PCDHGB2: variants seen among roughly 807,000 people sequenced by gnomAD.
PCDHGB2 encodes protocadherin gamma subfamily B, 2.
In PCDHGB2, 55 loss-of-function variants were observed where a neutral mutation model predicts 59.3. That is an observed-to-expected ratio of 0.93 (90% confidence interval 0.75 to 1.16). PCDHGB2 has a LOEUF of 1.16. Among genes scored for constraint, PCDHGB2 ranks in the 50% most tolerant of loss-of-function variants. The probability of loss-of-function intolerance (pLI) is 0.00; values close to 1 mark genes in which losing one functional copy is unlikely to be tolerated. For synonymous variants in PCDHGB2, 516 were observed against 512.0 expected (o/e 1.01, Z -0.11); for missense variants, 1,228 against 1,198.5 (o/e 1.02, Z -0.36).
Position 141,486,734 on chromosome 5 carries a change from C to A in PCDHGB2, c.2422-8073C>A. ...CCAGACAGGAGCTGTTCATGCTACT[C>A]GATCCTTTGACTATGAGCAAACCCA... On this transcript the variant is annotated intron_variant, in intron 1 of 3. Transcript: ENST00000522605. The surrounding 1 kb of genome is among the most constrained non-coding windows in gnomAD (Gnocchi z 5.0). The A allele has an allele frequency of 1.2e-6, 2 of 1,614,188 alleles. No homozygotes were observed. Among genetic ancestry groups the A allele is most frequent in the Non-Finnish European group, 1.7e-6 (2 of 1,180,040 alleles).
At chr5:141,469,548 C>A (rs2099204726) in intron 1 of PCDHGB2, among the ~76,000 whole-genome samples, 1 of 152,212 alleles carries the variant, frequency 6.6e-6, no homozygotes, top group East Asian at 1.9e-4. Context: ...GCACTCCAGC[C>A]TGGCGACAGA....
chr5:141,419,890 C>T (rs775698934), intron 1 of PCDHGB2: 3 of 1,614,102 alleles, frequency 1.9e-6, no homozygotes, highest in Non-Finnish European at 2.5e-6. Flanking sequence ...ATTTCAGCGA[C>T]CATCCCACAC....
intron 1 of PCDHGB2, chr5:141,442,380 T>G (rs1235241143): frequency 2.6e-5 from 4 of 152,244 alleles, no homozygotes; most frequent in Non-Finnish European, 4.4e-5. Flanking sequence ...TCCTACCAGG[T>G]GTGTGCTTCT....
At chr5:141,389,887 A>G (rs1473090410) in intron 1 of PCDHGB2, 2 of 1,613,940 alleles carry the variant, frequency 1.2e-6, no homozygotes, top group East Asian at 2.2e-5. Context: ...AGCTTGCAGG[A>G]GGTGCTGCCG....
At chr5:141,462,497 T>C (rs1333421053) in intron 1 of PCDHGB2, among the ~76,000 whole-genome samples, 1 of 152,244 alleles carries the variant, frequency 6.6e-6, no homozygotes, top group Non-Finnish European at 1.5e-5. Flanking sequence ...TATCCTATAA[T>C]TGTCAACTAG....
chr5:141,395,341 G>C, intron 1 of PCDHGB2: 1 of 1,409,696 alleles, frequency 7.1e-7, no homozygotes. Context: ...AATTTTTAAG[G>C]TGTATCACAG....
rs1055042563 is a variant in PCDHGB2, at chr5:141,512,805, C to G, written c.*1632C>G. On this transcript the variant is annotated 3_prime_UTR_variant, in exon 4 of 4. Coordinates refer to ENST00000522605, the MANE Select transcript of PCDHGB2 (RefSeq NM_018923.3). ...TGTTGTGTTTTGTGCTGTGTCCACG[C>G]GCTAAGGCGACCCCCTCCCCCGTAC... 3.0e-4 allele frequency: 46 copies of G among 152,378 alleles called. No individual in the cohort carries two copies. Among genetic ancestry groups the G allele is most frequent in the African/African-American group, 9.9e-4 (41 of 41,570 alleles). The allele number at this position is 152,378 out of a possible 1,614,324, so 9.4% of individuals were successfully genotyped here.
At chr5:141,413,867 T>TTG in intron 1 of PCDHGB2, 1 of 1,613,428 alleles carries the variant, frequency 6.2e-7, no homozygotes, top group Non-Finnish European at 8.5e-7. Flanking sequence ...GGCACTGTCC[T>TTG]TGTCAGTGTG....
chr5:141,413,989 G>C, intron 1 of PCDHGB2: 1 of 1,613,400 alleles, frequency 6.2e-7, no homozygotes, highest in East Asian at 2.2e-5. Context: ...CACAGCCACC[G>C]ACAGGGACGA....
At chr5:141,410,369 A>G in intron 1 of PCDHGB2, 1 of 1,613,954 alleles carries the variant, frequency 6.2e-7, no homozygotes. Context: ...CAGCCCTGCT[A>G]CTTGGGACTG....
intron 1 of PCDHGB2, chr5:141,364,511 G>A (rs371508186): frequency 2.5e-6 from 4 of 1,613,922 alleles, no homozygotes; most frequent in Non-Finnish European, 1.7e-6. Context: ...GGAGCTGGCG[G>A]AGCGCGGAGT....
Position 141,491,574 on chromosome 5 carries a change from T to G in PCDHGB2, c.2422-3233T>G. Reference sequence around the variant, plus strand: ...AGAGCCACTGCTACAGGACGTGCTTTTCACCGGCCTCGGACGGCAGTGACT... The same window carrying G: ...AGAGCCACTGCTACAGGACGTGCTTGTCACCGGCCTCGGACGGCAGTGACT... On this transcript the variant is annotated intron_variant, in intron 1 of 3. Transcript: ENST00000522605. This position sits in a 1 kb window ranked among gnomAD's most constrained non-coding sequence, Gnocchi z 6.9. The G allele has an allele frequency of 6.2e-7, 1 of 1,613,956 alleles. No homozygotes were observed. Among genetic ancestry groups the G allele is most frequent in the Non-Finnish European group, 8.5e-7 (1 of 1,180,032 alleles).
At chr5:141,403,960 G>A (rs775638627) in intron 1 of PCDHGB2, 10 of 1,613,658 alleles carry the variant, frequency 6.2e-6, no homozygotes, top group East Asian at 4.5e-5. Flanking sequence ...TGCTCATTTC[G>A]GTGGAAGATG....
intron 1 of PCDHGB2, chr5:141,385,078 G>C (rs755613540): frequency 6.2e-7 from 1 of 1,614,222 alleles, no homozygotes. Context: ...CCTGCTGCAG[G>C]CTTCAGAAGG....
intron 1 of PCDHGB2, chr5:141,420,546 G>T: frequency 3.5e-6 from 1 of 284,254 alleles, no homozygotes; most frequent in Admixed American, 5.0e-5. Flanking sequence ...ATAAAATACA[G>T]GTATATTTTT....
In PCDHGB2 at chr5:141,489,493, G is replaced by C. The variant is rs1485293604; in HGVS notation, c.2422-5314G>C. 3 of 1,614,078 alleles carry C rather than the reference G, an allele frequency of 1.9e-6. No homozygotes were observed. The South Asian group carries it at 3.3e-5, about 18-fold the overall frequency. On this transcript the variant is annotated intron_variant, in intron 1 of 3. Coordinates refer to ENST00000522605, the MANE Select transcript of PCDHGB2 (RefSeq NM_018923.3). This position sits in a 1 kb window ranked among gnomAD's most constrained non-coding sequence, Gnocchi z 4.5. Reference sequence around the variant, plus strand: ...CCTGAGCTTGATGAGTGGTGCCCTGGCAGTGAATCAAAAGATTGACCGAGA... The same window carrying C: ...CCTGAGCTTGATGAGTGGTGCCCTGCCAGTGAATCAAAAGATTGACCGAGA...
intron 2 of PCDHGB2, among the ~76,000 whole-genome samples, chr5:141,497,809 G>A (rs1256990692): frequency 1.3e-5 from 2 of 152,190 alleles, no homozygotes. Context: ...CAAAGTGCTA[G>A]AATTACAGGT....
At chr5:141,451,334 C>G (rs916812246) in intron 1 of PCDHGB2, among the ~76,000 whole-genome samples, 4 of 152,192 alleles carry the variant, frequency 2.6e-5, no homozygotes, top group Non-Finnish European at 4.4e-5. Context: ...AGGCTATTGT[C>G]TTATCTGAAG....
intron 1 of PCDHGB2, chr5:141,414,156 T>TCTC (rs1462369810): frequency 6.2e-7 from 1 of 1,601,848 alleles, no homozygotes; most frequent in Admixed American, 1.7e-5. Flanking sequence ...AAGCAGAAGA[T>TCTC]GGAGGAGCAT....
Sources: gnomAD v4.1 joint callset for allele counts (sites outside exome capture counted in the v4.1 genomes callset) on GRCh38, gnomAD v4.1.1 for gene constraint, Gnocchi (gnomAD v3.1) non-coding constraint, MANE v1.5 for transcripts, NCBI Gene and HGNC (gene_info 2026-07-23, HGNC 2026-07-21) for gene names.